The following ERC2 variants were observed in gnomAD, a reference collection of about 807,000 sequenced individuals.
The protein encoded by ERC2 is ERC protein 2.
A neutral mutation model predicts 114.8 loss-of-function variants in ERC2; 42 were observed. The observed-to-expected ratio is 0.37, with a 90% confidence interval of 0.29 to 0.47. The LOEUF (loss-of-function observed/expected upper bound fraction) is 0.47, where lower values mean the gene tolerates loss of function less well. Among genes scored for constraint, ERC2 ranks in the 20% least tolerant of loss-of-function variants. The probability of loss-of-function intolerance (pLI) is 0.99; values close to 1 mark genes in which losing one functional copy is unlikely to be tolerated. For synonymous variants in ERC2, 454 were observed against 425.5 expected (o/e 1.07, Z -0.82); for missense variants, 939 against 1,150.7 (o/e 0.82, Z 2.66).
At chr3:55,921,537 T>G (rs1175945176) in intron 13 of ERC2, among the ~76,000 whole-genome samples, 2 of 152,094 alleles carry the variant, frequency 1.3e-5, no homozygotes, top group Non-Finnish European at 2.9e-5. Flanking sequence ...ACAATCAACC[T>G]GAATATGGTT....
At position 56,305,512 on chromosome 3, in the gene ERC2, CCACACACACACACACA is replaced by C. The variant is rs58751787; in HGVS notation, c.658-9093_658-9078del. ...AGCATTTTATACCCCACTCTCTTAT[CCACACACACACACACA>C]CACACACACACACACACACACACAC... On this transcript the variant is annotated intron_variant, in intron 2 of 17. Coordinates refer to ENST00000288221, the MANE Select transcript of ERC2 (RefSeq NM_015576.3). Among the ~76,000 whole-genome samples the C allele has an allele frequency of 1.5e-3, 218 of 144,440 alleles. 1 individual carries two copies. Among genetic ancestry groups the C allele is most frequent in the South Asian group, 0.014 (62 of 4,336 alleles). 94.8% of individuals were successfully genotyped at this position (144,440 alleles called of 152,430 possible). A position where few individuals can be genotyped will look rare whatever the true frequency, so the allele number is the denominator to read the frequency against.
intron 3 of ERC2, among the ~76,000 whole-genome samples, chr3:56,293,562 G>A (rs1029571930): frequency 6.6e-6 from 1 of 152,128 alleles, no homozygotes; most frequent in Admixed American, 6.5e-5. Flanking sequence ...ATCCTTTCAG[G>A]CCTTCAAGTC....
intron 17 of ERC2, among the ~76,000 whole-genome samples, chr3:55,583,391 CTTCCTTCT>C (rs1299869224): frequency 0.016 from 2,052 of 131,488 alleles, 88 homozygotes; most frequent in African/African-American, 0.066. Flanking sequence ...TCTTTCTTTC[CTTCCTTCT>C]TTCCTTCCTT....
intron 17 of ERC2, among the ~76,000 whole-genome samples, chr3:55,591,464 T>C (rs1036865256): frequency 6.6e-6 from 1 of 152,102 alleles, no homozygotes. Context: ...CATTTTGTTT[T>C]CCACATGCGG....
intron 2 of ERC2, among the ~76,000 whole-genome samples, chr3:56,405,634 G>C (rs976237989): frequency 1.4e-5 from 2 of 139,648 alleles, no homozygotes; most frequent in African/African-American, 5.6e-5. Flanking sequence ...GAGATAGATA[G>C]ATACATAGAC....
chr3:56,108,603 A>T (rs1195061338), intron 6 of ERC2, among the ~76,000 whole-genome samples: 1 of 152,192 alleles, frequency 6.6e-6, no homozygotes, highest in Non-Finnish European at 1.5e-5. Context: ...AAAACAGGAA[A>T]ATAATTGACA....
At chr3:55,674,998 G>GAAC (rs1399373657) in intron 17 of ERC2, among the ~76,000 whole-genome samples, 1 of 152,110 alleles carries the variant, frequency 6.6e-6, no homozygotes, top group Non-Finnish European at 1.5e-5. Flanking sequence ...GTCACCATGG[G>GAAC]AACAACCCTG....
intron 2 of ERC2, among the ~76,000 whole-genome samples, chr3:56,337,510 GTGATGA>G (rs1296800325): frequency 2.0e-5 from 3 of 152,302 alleles, no homozygotes; most frequent in Admixed American, 2.0e-4. Flanking sequence ...AAGGGTTGCT[GTGATGA>G]TGACCTGATA....
At chr3:56,095,016 G>A (rs2077979945) in intron 6 of ERC2, among the ~76,000 whole-genome samples, 1 of 152,176 alleles carries the variant, frequency 6.6e-6, no homozygotes. Flanking sequence ...ACTTTGGGAG[G>A]CCAAGGTGGG....
chr3:55,692,265 C>A (rs1280417219), intron 16 of ERC2, among the ~76,000 whole-genome samples: 1 of 152,196 alleles, frequency 6.6e-6, no homozygotes, highest in Admixed American at 6.5e-5. Context: ...CGGCCTCAAG[C>A]TGGTGCCCCA....
intron 15 of ERC2, among the ~76,000 whole-genome samples, chr3:55,734,523 T>A (rs1473172484): frequency 6.6e-6 from 1 of 152,094 alleles, no homozygotes; most frequent in African/African-American, 2.4e-5. Flanking sequence ...TCTGGGGAGA[T>A]GACGCTGACA....
rs61632315 is a variant in ERC2 at position 56,343,192 on chromosome 3, T to TCACACACACA, written c.658-46767_658-46758dup. Among the ~76,000 whole-genome samples, 707 of 126,154 alleles carry TCACACACACA rather than the reference T, an allele frequency of 5.6e-3. 1 individual carries two copies. Among genetic ancestry groups the TCACACACACA allele is most frequent in the Non-Finnish European group, 7.0e-3 (428 of 60,732 alleles). 82.8% of individuals were successfully genotyped at this position (126,154 alleles called of 152,430 possible). On this transcript the variant is annotated intron_variant, in intron 2 of 17. Transcript: ENST00000288221. ...TTCTCTCTCTCTCTCTCTCTCTCTC[T>TCACACACACA]CACACACACACACACACAAACACAC...
At chr3:56,318,408 C>T (rs1391646957) in intron 2 of ERC2, among the ~76,000 whole-genome samples, 1 of 152,118 alleles carries the variant, frequency 6.6e-6, no homozygotes, top group African/African-American at 2.4e-5. Flanking sequence ...AACTCCTGGG[C>T]TCAAGTGACC....
chr3:56,026,789 C>T (rs1312122110), intron 7 of ERC2, among the ~76,000 whole-genome samples: 10 of 152,154 alleles, frequency 6.6e-5, no homozygotes, highest in Non-Finnish European at 1.3e-4. Context: ...ATTCATATAT[C>T]ATGAGTTTTT....
At chr3:56,445,416 G>T (rs182950521) in intron 1 of ERC2, among the ~76,000 whole-genome samples, 17 of 152,192 alleles carry the variant, frequency 1.1e-4, no homozygotes, top group Admixed American at 1.1e-3. Context: ...CTTCTCCGTT[G>T]TTTCCACTCC....
intron 6 of ERC2, among the ~76,000 whole-genome samples, chr3:56,107,018 C>T (rs997309968): frequency 5.9e-5 from 9 of 152,164 alleles, no homozygotes; most frequent in East Asian, 3.9e-4. Context: ...GCATTCAATA[C>T]GGAAACATGT....
chr3:55,766,273 G>GAAAA (rs35962584), intron 14 of ERC2, among the ~76,000 whole-genome samples: 2 of 95,138 alleles, frequency 2.1e-5, no homozygotes, highest in Non-Finnish European at 5.1e-5. Context: ...CTCTCCACAA[G>GAAAA]AAAAAAAAAA....
intron 9 of ERC2, among the ~76,000 whole-genome samples, chr3:56,009,603 G>A (rs990000641): frequency 1.3e-5 from 2 of 152,140 alleles, no homozygotes; most frequent in South Asian, 4.1e-4. Context: ...TAAAGAAGAT[G>A]GACAGTTACA....
chr3:55,889,250 T>C (rs557686069), intron 13 of ERC2, among the ~76,000 whole-genome samples: 1 of 152,288 alleles, frequency 6.6e-6, no homozygotes, highest in South Asian at 2.1e-4. Context: ...AAAGCCGTGT[T>C]TGGTAAAAGC....
Sources: allele counts gnomAD v4.1 joint callset (sites outside exome capture counted in the v4.1 genomes callset), GRCh38; gene constraint gnomAD v4.1.1; transcripts MANE v1.5; gene names NCBI Gene and HGNC (gene_info 2026-07-23, HGNC 2026-07-21).